WDR7: variants seen among roughly 807,000 people sequenced by gnomAD.
The protein encoded by WDR7 is WD repeat domain 7, also known as WD repeat-containing protein 7.
A neutral mutation model predicts 169.4 loss-of-function variants in WDR7; 46 were observed. The observed-to-expected ratio is 0.27, with a 90% CI of 0.21 to 0.35. The LOEUF is 0.35. Ranked by LOEUF, WDR7 falls within the 10% of genes least tolerant of loss-of-function variation. The probability of loss-of-function intolerance (pLI) is 1.00; values close to 1 mark genes in which losing one functional copy is unlikely to be tolerated. For missense variants in WDR7, 1,534 were observed against 1,859.3 expected (o/e 0.83, Z 3.22); for synonymous variants, 612 against 666.8 (o/e 0.92, Z 1.27).
In WDR7 at chr18:57,027,030, C is replaced by T. The variant is rs748987858; in HGVS notation, c.4296C>T (p.Ile1432=). The change falls in exon 28 of 28, where the codon ATC becomes ATT. Residue 1432 remains isoleucine (I), a synonymous_variant. Coordinates refer to ENST00000254442, the MANE Select transcript of WDR7 (RefSeq NM_015285.3). ...TGAACACGTCACTGCTGGGAAGCAT[C>T]GGCATGCTGAACTCGGCACCTCAGC... ...WQMNTSLLGS[I]GMLNSAPQLR... 31 of 1,614,044 alleles carry T rather than the reference C, an allele frequency of 1.9e-5. No individual in the cohort carries two copies. The highest frequency in any genetic ancestry group is 2.3e-5 in the Non-Finnish European group (27 of 1,180,014).
chr18:56,670,838 T>C (rs990042742), intron 1 of WDR7, among the ~76,000 whole-genome samples: 2 of 152,168 alleles, frequency 1.3e-5, no homozygotes, highest in African/African-American at 4.8e-5. Context: ...TTAATGATTA[T>C]ACCTTTTGAT....
chr18:56,657,722 C>T (rs1399316464), intron 1 of WDR7, among the ~76,000 whole-genome samples: 1 of 152,150 alleles, frequency 6.6e-6, no homozygotes, highest in Non-Finnish European at 1.5e-5. Flanking sequence ...CTTAAAGCTG[C>T]TTTGCTGAAT....
Position 56,678,185 on chromosome 18 carries a change from T to C in WDR7, c.160-1147T>C, listed in dbSNP as rs79088066. On this transcript the variant is annotated intron_variant, in intron 2 of 27. Coordinates refer to ENST00000254442, the MANE Select transcript of WDR7 (RefSeq NM_015285.3). ...TTTCTCTGTGTTATCTTGAATTTCT[T>C]TGAGTTTTCTCAAAACAGAGAATTC... 6.6e-3 allele frequency among the ~76,000 whole-genome samples: 1,012 copies of C among 152,346 alleles called. 73 individuals carry two copies. The East Asian group carries it at 0.17, about 26-fold the overall frequency.
chr18:56,986,514 T>C (rs2047722407), intron 26 of WDR7, among the ~76,000 whole-genome samples: 1 of 152,166 alleles, frequency 6.6e-6, no homozygotes, highest in Non-Finnish European at 1.5e-5. Flanking sequence ...GTCAAACCAC[T>C]ATAAAATAAG....
intron 16 of WDR7, among the ~76,000 whole-genome samples, chr18:56,763,345 T>G (rs1439967523): frequency 6.6e-6 from 1 of 152,224 alleles, no homozygotes. Flanking sequence ...ATTCAGATGT[T>G]TTTTCTGCAT....
intron 26 of WDR7, among the ~76,000 whole-genome samples, chr18:57,013,547 C>T (rs754310577): frequency 2.6e-4 from 39 of 151,938 alleles, no homozygotes; most frequent in Non-Finnish European, 4.9e-4. Flanking sequence ...CTTTAAGCAC[C>T]CAGGTGATAT....
chr18:56,996,572 T>G (rs938981206), intron 26 of WDR7, among the ~76,000 whole-genome samples: 1 of 152,224 alleles, frequency 6.6e-6, no homozygotes, highest in Non-Finnish European at 1.5e-5. Context: ...GAAATAAAAT[T>G]AGGCTGCTGG....
At chr18:56,854,483 G>A (rs1376546239) in intron 20 of WDR7, among the ~76,000 whole-genome samples, 4 of 152,218 alleles carry the variant, frequency 2.6e-5, no homozygotes, top group Non-Finnish European at 5.9e-5. Context: ...CAGCTCTCTG[G>A]AAGCTCTCCA....
intron 21 of WDR7, among the ~76,000 whole-genome samples, chr18:56,913,911 C>G (rs573099427): frequency 6.6e-6 from 1 of 152,308 alleles, no homozygotes; most frequent in Admixed American, 6.5e-5. Context: ...GTAGGCCTCC[C>G]TAATTTTACT....
At chr18:56,816,813 T>A (rs1259401669) in intron 20 of WDR7, among the ~76,000 whole-genome samples, 1 of 152,232 alleles carries the variant, frequency 6.6e-6, no homozygotes, top group Non-Finnish European at 1.5e-5. Context: ...GTATAAATAC[T>A]TACATTGGTA....
chr18:56,672,461 T>C (rs1004302059), intron 1 of WDR7, 36 bp from the exon 2 acceptor site: 14 of 1,385,350 alleles, frequency 1.0e-5, no homozygotes, highest in Middle Eastern at 1.9e-4. Flanking sequence ...TCGAGAGAAA[T>C]ATTGTAATAT....
At chr18:56,833,478 AT>A (rs1015551950) in intron 20 of WDR7, among the ~76,000 whole-genome samples, 2 of 152,212 alleles carry the variant, frequency 1.3e-5, no homozygotes, top group Non-Finnish European at 2.9e-5. Flanking sequence ...AATAAAAAAA[AT>A]AAAGCATTCT....
At chr18:56,875,679 G>A (rs1340025319) in intron 20 of WDR7, among the ~76,000 whole-genome samples, 1 of 152,032 alleles carries the variant, frequency 6.6e-6, no homozygotes, top group African/African-American at 2.4e-5. Context: ...CTGTTTTTTC[G>A]ATCCAGAAAG....
intron 16 of WDR7, among the ~76,000 whole-genome samples, chr18:56,762,698 C>T (rs1170822486): frequency 1.3e-5 from 2 of 151,976 alleles, no homozygotes; most frequent in Non-Finnish European, 2.9e-5. Flanking sequence ...ATTTTAATGA[C>T]CTCAATTTGA....
intron 26 of WDR7, among the ~76,000 whole-genome samples, chr18:57,006,518 T>G (rs2048060334): frequency 6.6e-6 from 1 of 152,220 alleles, no homozygotes; most frequent in African/African-American, 2.4e-5. Flanking sequence ...TTGCTTATCA[T>G]TAGGCAGTAT....
At chr18:56,881,983 A>G (rs2046114921) in intron 21 of WDR7, among the ~76,000 whole-genome samples, 1 of 152,242 alleles carries the variant, frequency 6.6e-6, no homozygotes. Context: ...TCAGCCAAAA[A>G]GTAGTAAAAC....
intron 26 of WDR7, among the ~76,000 whole-genome samples, chr18:56,968,010 G>A (rs2047435315): frequency 2.0e-5 from 3 of 152,020 alleles, no homozygotes; most frequent in Admixed American, 2.0e-4. Flanking sequence ...GAATCCAAGG[G>A]TGAGAAAACC....
chr18:56,833,680 C>T (rs896227158), intron 20 of WDR7, among the ~76,000 whole-genome samples: 3 of 152,054 alleles, frequency 2.0e-5, no homozygotes, highest in Non-Finnish European at 4.4e-5. Context: ...TTTTCTTTAA[C>T]CCCCACCTCA....
At chr18:56,686,170 A>G (rs1419719238) in intron 6 of WDR7, 138 bp downstream of exon 6, 3 of 654,514 alleles carry the variant, frequency 4.6e-6, no homozygotes, top group Non-Finnish European at 7.3e-6. Context: ...TTATAGGCAT[A>G]GTATGGAAGA....
Sources: gnomAD v4.1 joint callset for allele counts (sites outside exome capture counted in the v4.1 genomes callset) on GRCh38, gnomAD v4.1.1 for gene constraint, MANE v1.5 for transcripts, NCBI Gene and HGNC (gene_info 2026-07-23, HGNC 2026-07-21) for gene names.